PRR5L: variants seen among roughly 807,000 people sequenced by gnomAD.
The protein encoded by PRR5L is proline rich 5 like.
In PRR5L, 21 loss-of-function variants were observed where a neutral mutation model predicts 36.4. The observed-to-expected ratio is 0.58, with a 90% CI of 0.41 to 0.83. PRR5L has a LOEUF of 0.83. PRR5L is among the 40% of genes least tolerant of loss of function. The pLI is 0.00. For missense variants in PRR5L, 381 were observed against 473.3 expected (o/e 0.80, Z 1.81); for synonymous variants, 188 against 197.0 (o/e 0.95, Z 0.38).
intron 4 of PRR5L, chr11:36,425,614 A>G (rs230484): frequency 1 from 151,559 of 152,306 alleles, 75,414 homozygotes; most frequent in East Asian, 1. Context: ...TTAGCACCGA[A>G]TTTCCACTTC....
intron 1 of PRR5L, among the ~76,000 whole-genome samples, chr11:36,383,727 G>A (rs577579454): frequency 9.3e-5 from 12 of 128,808 alleles, no homozygotes; most frequent in Admixed American, 5.9e-4. Flanking sequence ...ATGGAGTCTC[G>A]CTCTGTCACC....
intron 2 of PRR5L, 113 bp from the exon 3 acceptor site, chr11:36,403,185 A>G: frequency 1.3e-6 from 1 of 778,764 alleles, no homozygotes; most frequent in East Asian, 2.7e-5. Context: ...GAGTGTGGCC[A>G]GGTTTGTGCT....
intron 1 of PRR5L, among the ~76,000 whole-genome samples, chr11:36,383,908 C>G (rs1590512862): frequency 1.3e-5 from 2 of 152,236 alleles, no homozygotes; most frequent in Admixed American, 6.5e-5. Flanking sequence ...GTTGGCCAGG[C>G]TGGTCTCAAA....
At position 36,391,803 on chromosome 11, in the gene PRR5L, A is replaced by G. The variant is rs548612045; in HGVS notation, c.-125-9194A>G. ...GGTAAATGGGGTATCCATCACTTCAAGCATTTCTCCTTTCTTTGTGTTACA... is the reference window on the plus strand; with the variant it reads ...GGTAAATGGGGTATCCATCACTTCAGGCATTTCTCCTTTCTTTGTGTTACA... On this transcript the variant is annotated intron_variant, in intron 1 of 8. Coordinates refer to ENST00000530639, the MANE Select transcript of PRR5L (RefSeq NM_001160167.2). 8.5e-5 allele frequency among the ~76,000 whole-genome samples: 13 copies of G among 152,354 alleles called. No individual in the cohort carries two copies. In the South Asian group the frequency reaches 2.7e-3, roughly 32 times the overall value.
rs1252535250 is a variant in PRR5L, at chr11:36,388,694, C to CTTTTTTTTTTTTTTTTTTTTTT, written c.-125-12300_-125-12299insTTTTTTTTTTTTTTTTTTTTTT. Among the ~76,000 whole-genome samples the CTTTTTTTTTTTTTTTTTTTTTT allele has an allele frequency of 1.8e-5, 2 of 112,790 alleles. 1 individual carries two copies. Among genetic ancestry groups the CTTTTTTTTTTTTTTTTTTTTTT allele is most frequent in the Non-Finnish European group, 3.4e-5 (2 of 58,124 alleles). The allele number at this position is 112,790 out of a possible 152,430, so 74.0% of individuals were successfully genotyped here. A position where few individuals can be genotyped will look rare whatever the true frequency, so the allele number is the denominator to read the frequency against. On this transcript the variant is annotated intron_variant, in intron 1 of 8. Transcript: ENST00000530639. ...TTCTTTCATTCAAGGTCGGCTCTTTCTTTCTTTTTTTTTTTTTTTTTTGAG... is the reference window on the plus strand; with the variant it reads ...TTCTTTCATTCAAGGTCGGCTCTTTCTTTTTTTTTTTTTTTTTTTTTTTTTCTTTTTTTTTTTTTTTTTTGAG...
chr11:36,421,482 C>A (rs192258592), intron 4 of PRR5L, among the ~76,000 whole-genome samples: 3 of 152,090 alleles, frequency 2.0e-5, no homozygotes, highest in Admixed American at 2.0e-4. Context: ...AGTTTTAAAT[C>A]GAAGTTTATT....
chr11:36,455,677 C>T (rs1005233245), intron 8 of PRR5L, among the ~76,000 whole-genome samples: 2 of 152,160 alleles, frequency 1.3e-5, no homozygotes, highest in Admixed American at 1.3e-4. Flanking sequence ...GCCCTGCCTT[C>T]CCGGGAGCAG....
intron 8 of PRR5L, among the ~76,000 whole-genome samples, chr11:36,452,519 C>CTTCCTCCCTCCCTTCCTCACTCA (rs1435296241): frequency 8.5e-5 from 13 of 152,232 alleles, no homozygotes; most frequent in Non-Finnish European, 1.8e-4. Context: ...GGTTCTTCTC[C>CTTCCTCCCTCCCTTCCTCACTCA]TTCCTCCCTC....
chr11:36,307,902 A>C (rs1856451944), intron 1 of PRR5L, among the ~76,000 whole-genome samples: 1 of 152,236 alleles, frequency 6.6e-6, no homozygotes, highest in Admixed American at 6.5e-5. Flanking sequence ...TCTCCTTGGA[A>C]TGATGAAATT....
At chr11:36,415,213 A>G (rs2133576733) in intron 3 of PRR5L, among the ~76,000 whole-genome samples, 1 of 152,204 alleles carries the variant, frequency 6.6e-6, no homozygotes, top group Non-Finnish European at 1.5e-5. Flanking sequence ...TTGGTTCCAT[A>G]TGAACTTTAA....
At chr11:36,431,828 T>C in intron 4 of PRR5L, 25 bp from the exon 5 acceptor site, 1 of 1,612,358 alleles carries the variant, frequency 6.2e-7, no homozygotes, top group Non-Finnish European at 8.5e-7. Flanking sequence ...TCCAAATTCT[T>C]ATGTTCTTTG....
intron 1 of PRR5L, among the ~76,000 whole-genome samples, chr11:36,367,824 A>T (rs1280794872): frequency 6.6e-6 from 1 of 152,064 alleles, no homozygotes; most frequent in Non-Finnish European, 1.5e-5. Flanking sequence ...GAGGTAAACA[A>T]AAAAAGGGTA....
At chr11:36,369,920 T>TC (rs1857181650) in intron 1 of PRR5L, among the ~76,000 whole-genome samples, 1 of 152,180 alleles carries the variant, frequency 6.6e-6, no homozygotes, top group African/African-American at 2.4e-5. Context: ...TTATTTGGAA[T>TC]GTTTCCTGTT....
In PRR5L at chr11:36,463,092, A is replaced by G. The variant is rs539392301; in HGVS notation, c.*356A>G. The G allele has an allele frequency of 1.1e-3, 219 of 203,866 alleles. No homozygotes were observed. Among genetic ancestry groups the G allele is most frequent in the Middle Eastern group, 7.5e-3 (4 of 534 alleles). 12.6% of individuals were successfully genotyped at this position (203,866 alleles called of 1,614,324 possible). On this transcript the variant is annotated 3_prime_UTR_variant, in exon 9 of 9. Transcript: ENST00000530639. ...CCAATGCTCCTGGCATTTCTGGAGC[A>G]GGAGGTTGTCAGGACAACACATATA...
intron 1 of PRR5L, among the ~76,000 whole-genome samples, chr11:36,334,678 C>T (rs1310825248): frequency 6.6e-6 from 1 of 152,178 alleles, no homozygotes; most frequent in Non-Finnish European, 1.5e-5. Flanking sequence ...TTCTATGTAG[C>T]ACTCCTCACA....
In PRR5L at chr11:36,403,235, C is replaced by G. The variant is rs1464110589; in HGVS notation, c.165-63C>G. On this transcript the variant is annotated intron_variant, in intron 2 of 8. Coordinates refer to ENST00000530639, the MANE Select transcript of PRR5L (RefSeq NM_001160167.2). The stretch of plus-strand genomic sequence containing the variant: ...CACTCCACACACCTTCAGCCCTGAG[C>G]TGCTATTGAAATGGCCCAAGAAGGG... 1.2e-5 allele frequency: 17 copies of G among 1,422,024 alleles called. No individual in the cohort carries two copies. The Admixed American group carries it at 2.9e-4, about 24-fold the overall frequency. The allele number at this position is 1,422,024 out of a possible 1,614,324, so 88.1% of individuals were successfully genotyped here.
chr11:36,326,570 C>A (rs11033552), intron 1 of PRR5L, among the ~76,000 whole-genome samples: 48,693 of 151,844 alleles, frequency 0.32, 8,432 homozygotes, highest in East Asian at 0.71. Flanking sequence ...CTCTTTTTAC[C>A]CAATTCCATT....
intron 8 of PRR5L, 50 bp downstream of exon 8, chr11:36,451,385 C>CAGCACTGTTTAACTG (rs747234234): frequency 2.7e-5 from 43 of 1,606,082 alleles, no homozygotes; most frequent in South Asian, 5.5e-5. Context: ...ATCATGATAC[C>CAGCACTGTTTAACTG]AGCACTGTTT....
At chr11:36,310,407 G>A (rs1412751669) in intron 1 of PRR5L, among the ~76,000 whole-genome samples, 1 of 152,140 alleles carries the variant, frequency 6.6e-6, no homozygotes. Context: ...GCATTTAATA[G>A]GGGCGAAGTA....
Sources: gnomAD v4.1 joint callset for allele counts (sites outside exome capture counted in the v4.1 genomes callset) on GRCh38, gnomAD v4.1.1 for gene constraint, MANE v1.5 for transcripts, NCBI Gene and HGNC (gene_info 2026-07-23, HGNC 2026-07-21) for gene names.